SGCD: variants seen among roughly 807,000 people sequenced by gnomAD.
SGCD encodes the protein sarcoglycan delta.
In SGCD, 18 loss-of-function variants were observed where a neutral mutation model predicts 36.6. That is an observed-to-expected ratio of 0.49 (90% CI 0.34 to 0.73). SGCD has a LOEUF of 0.73. SGCD is among the 30% of genes least tolerant of loss of function. The pLI, the probability that SGCD is intolerant of heterozygous loss-of-function variation, is 0.01. For missense variants in SGCD, 387 were observed against 346.7 expected, an observed-to-expected ratio of 1.12 and a Z score of -0.92; for synonymous variants, 133 against 130.6, an observed-to-expected ratio of 1.02 and a Z score of -0.12.
At chr5:156,453,358 G>C (rs575820920) in intron 3 of SGCD, among the ~76,000 whole-genome samples, 1 of 152,138 alleles carries the variant, frequency 6.6e-6, no homozygotes, top group Non-Finnish European at 1.5e-5. Flanking sequence ...TGTTTTACAA[G>C]GTAGTGAGCA....
the SGCD span, among the ~76,000 whole-genome samples, chr5:155,782,026 CTTTTTTTT>C: frequency 8.1e-6 from 1 of 122,910 alleles, no homozygotes; most frequent in African/African-American, 2.9e-5. Context: ...TTTTTCTTTT[CTTTTTTTT>C]TTTTTTTTTG....
At chr5:156,011,850 AT>A (rs1758867627) in intron 1 of SGCD, among the ~76,000 whole-genome samples, 1 of 152,214 alleles carries the variant, frequency 6.6e-6, no homozygotes, top group South Asian at 2.1e-4. Context: ...GCAGACTAGG[AT>A]AAAAGTCAAG....
intron 7 of SGCD, among the ~76,000 whole-genome samples, chr5:156,719,964 A>G (rs542223154): frequency 6.6e-6 from 1 of 152,240 alleles, no homozygotes; most frequent in Admixed American, 6.5e-5. Context: ...ACTGACCCAG[A>G]GAGAAACACT....
intron 7 of SGCD, among the ~76,000 whole-genome samples, chr5:156,667,090 T>C (rs73301187): frequency 0.026 from 4,033 of 152,316 alleles, 178 homozygotes; most frequent in African/African-American, 0.092. Context: ...CATTGGAGCA[T>C]TTCAAATTTC....
chr5:156,233,909 TG>T (rs1245823656), intron 3 of SGCD, among the ~76,000 whole-genome samples: 5 of 152,096 alleles, frequency 3.3e-5, no homozygotes, highest in Admixed American at 3.3e-4. Context: ...GTTTTTGTTT[TG>T]TTTTTTTAAA....
chr5:156,490,365 A>G (rs1169408167), intron 3 of SGCD, among the ~76,000 whole-genome samples: 1 of 152,076 alleles, frequency 6.6e-6, no homozygotes, highest in East Asian at 1.9e-4. Flanking sequence ...TGAGGGCAGC[A>G]TTACCCTGAT....
intron 7 of SGCD, among the ~76,000 whole-genome samples, chr5:156,687,828 T>C (rs1753961330): frequency 6.6e-6 from 1 of 152,196 alleles, no homozygotes; most frequent in African/African-American, 2.4e-5. Flanking sequence ...TGTTGCTGGC[T>C]GGTAGAGGGA....
intron 4 of SGCD, among the ~76,000 whole-genome samples, chr5:156,562,341 T>A (rs1358644100): frequency 6.6e-6 from 1 of 152,122 alleles, no homozygotes; most frequent in Non-Finnish European, 1.5e-5. Flanking sequence ...AGTGGCCATT[T>A]AAGCAAGCAC....
At chr5:155,931,991 C>A (rs1757105400) in intron 1 of SGCD, among the ~76,000 whole-genome samples, 1 of 152,188 alleles carries the variant, frequency 6.6e-6, no homozygotes, top group Admixed American at 6.5e-5. Flanking sequence ...AAGATTCTCT[C>A]CCTGGCCTCT....
At chr5:156,644,810 G>C (rs1763167263) in intron 6 of SGCD, among the ~76,000 whole-genome samples, 1 of 152,096 alleles carries the variant, frequency 6.6e-6, no homozygotes, top group Non-Finnish European at 1.5e-5. Context: ...CAGGTCTCTT[G>C]ACATCTGGGA....
the SGCD span, among the ~76,000 whole-genome samples, chr5:155,781,391 C>T: frequency 3.3e-5 from 5 of 152,176 alleles, no homozygotes; most frequent in African/African-American, 7.2e-5. Flanking sequence ...CATGGGAAGA[C>T]GGAAATCTTT....
intron 7 of SGCD, among the ~76,000 whole-genome samples, chr5:156,755,710 G>A (rs141075860): frequency 6.6e-6 from 1 of 152,182 alleles, no homozygotes; most frequent in Admixed American, 6.5e-5. Flanking sequence ...GTGGGGAGTG[G>A]AGGATTTTTG....
intron 1 of SGCD, among the ~76,000 whole-genome samples, chr5:155,945,385 T>C (rs1005509361): frequency 6.6e-6 from 1 of 152,192 alleles, no homozygotes. Flanking sequence ...TCTGTGTTAG[T>C]TACTGGGAAA....
At chr5:156,142,901 G>A (rs1252812734) in intron 3 of SGCD, among the ~76,000 whole-genome samples, 1 of 152,162 alleles carries the variant, frequency 6.6e-6, no homozygotes, top group Non-Finnish European at 1.5e-5. Context: ...TCAATTTTTA[G>A]GAGAATAATT....
At chr5:155,876,009 T>C (rs1368510971) in intron 1 of SGCD, among the ~76,000 whole-genome samples, 3 of 151,894 alleles carry the variant, frequency 2.0e-5, no homozygotes, top group Admixed American at 6.6e-5. Context: ...ATTTTCAAAG[T>C]TGTTTTTTTT....
chr5:155,728,146 A>G, the SGCD span, among the ~76,000 whole-genome samples: 1 of 151,884 alleles, frequency 6.6e-6, no homozygotes. Flanking sequence ...CTTCCCCTCT[A>G]ACGCGCGACT....
intron 1 of SGCD, among the ~76,000 whole-genome samples, chr5:155,981,105 A>G (rs577632908): frequency 4.6e-5 from 7 of 152,306 alleles, no homozygotes; most frequent in Admixed American, 4.6e-4. Context: ...CCAGCTGGAA[A>G]GGCTCCAGCC....
At chr5:156,160,354 A>G (rs765852832) in intron 3 of SGCD, among the ~76,000 whole-genome samples, 4 of 151,680 alleles carry the variant, frequency 2.6e-5, no homozygotes, top group Admixed American at 6.5e-5. Context: ...GAGTTTTTCT[A>G]TTAAAAAAGC....
chr5:156,203,248 T>C (rs1043101476), intron 3 of SGCD, among the ~76,000 whole-genome samples: 1 of 152,158 alleles, frequency 6.6e-6, no homozygotes, highest in Non-Finnish European at 1.5e-5. Flanking sequence ...TTTTTGCAAA[T>C]CTTTAACTAT....
Sources: allele counts gnomAD v4.1 joint callset (sites outside exome capture counted in the v4.1 genomes callset), GRCh38; gene constraint gnomAD v4.1.1; transcripts MANE v1.5; gene names NCBI Gene and HGNC (gene_info 2026-07-23, HGNC 2026-07-21).